The following SLIT3 variants were observed in gnomAD, a reference collection of about 807,000 sequenced individuals.
The protein encoded by SLIT3 is slit guidance ligand 3.
In SLIT3, 68 loss-of-function variants were observed where a neutral mutation model predicts 184.0. That is an observed-to-expected ratio of 0.37 (90% CI 0.30 to 0.45). SLIT3 has a LOEUF of 0.45. Ranked by LOEUF, SLIT3 falls within the 20% of genes least tolerant of loss-of-function variation. SLIT3 has a pLI of 1.00. For synonymous variants in SLIT3, 831 were observed against 828.6 expected, an observed-to-expected ratio of 1.00 and a Z score of -0.05; for missense variants, 1,707 against 2,026.0, an observed-to-expected ratio of 0.84 and a Z score of 3.02.
chr5:168,670,003 G>T lies in SLIT3; in HGVS notation c.4128-12C>A. ...TTCCATGGTGGCATCTAGGGGCAGA[G>T]AGGAGGATGAGAAGGGAACTGGATC... On this transcript the variant is annotated splice_polypyrimidine_tract_variant and intron_variant, in intron 34 of 35. Transcript: ENST00000519560. 6.2e-7 allele frequency: 1 copy of T among 1,612,392 alleles called. No homozygotes were observed. Among genetic ancestry groups the T allele is most frequent in the Non-Finnish European group, 8.5e-7 (1 of 1,178,778 alleles).
rs745916885 is a variant in SLIT3, at chr5:168,748,341, C to T, written c.2231G>A (p.Arg744His). Residue 744 changes from arginine to histidine, a missense_variant, in exon 20 of 36, where the codon CGC (arginine) becomes CAC (histidine). Physicochemically the swap from Arg to His is conservative, Grantham distance 29. Transcript: ENST00000519560. ...TVVRCSNKGL[R>H]ALPRGMPKDV... ...CTTGGGCATGCCTCTGGGGAGGGCG[C>T]GGAGCCCCTTGTTGCTGCATCGCAC... 26 of 1,493,660 alleles carry T rather than the reference C, an allele frequency of 1.7e-5. No homozygotes were observed. The South Asian group carries it at 2.5e-4, about 14-fold the overall frequency. 92.5% of individuals were successfully genotyped at this position (1,493,660 alleles called of 1,614,324 possible). A position where few individuals can be genotyped will look rare whatever the true frequency, so the allele number is the denominator to read the frequency against.
intron 4 of SLIT3, among the ~76,000 whole-genome samples, chr5:169,122,948 T>A (rs1325842683): frequency 6.6e-6 from 1 of 152,168 alleles, no homozygotes; most frequent in Non-Finnish European, 1.5e-5. Context: ...GTAAAAAGAA[T>A]CCTGATACAT....
intron 4 of SLIT3, among the ~76,000 whole-genome samples, chr5:169,062,036 T>C (rs1758188991): frequency 6.6e-6 from 1 of 151,818 alleles, no homozygotes; most frequent in Non-Finnish European, 1.5e-5. Flanking sequence ...CACAAAAAAT[T>C]AGACGGGCGT....
At chr5:168,946,344 A>G (rs1762483581) in intron 4 of SLIT3, among the ~76,000 whole-genome samples, 1 of 152,196 alleles carries the variant, frequency 6.6e-6, no homozygotes, top group Admixed American at 6.5e-5. Context: ...ACAGGACCAG[A>G]GAGCCTTAGT....
At chr5:169,089,058 A>AAAAAAAAAAAG (rs1759461176) in intron 4 of SLIT3, among the ~76,000 whole-genome samples, 1 of 137,254 alleles carries the variant, frequency 7.3e-6, no homozygotes, top group Non-Finnish European at 1.6e-5. Flanking sequence ...AAAAAAAAGA[A>AAAAAAAAAAAG]GTGCTGACTC....
At chr5:168,866,797 C>A (rs1248188568) in intron 5 of SLIT3, among the ~76,000 whole-genome samples, 3 of 152,226 alleles carry the variant, frequency 2.0e-5, no homozygotes, top group Admixed American at 6.5e-5. Context: ...TGGGTTGTTA[C>A]AGCAATTAAA....
chr5:168,775,099 G>A lies in SLIT3; in HGVS notation c.1152-721C>T, dbSNP rs529245257. 2.7e-4 allele frequency among the ~76,000 whole-genome samples: 41 copies of A among 151,024 alleles called. 1 individual carries two copies. The South Asian group carries it at 6.1e-3, about 22-fold the overall frequency. ...GTCGCCCAGGCTGGAGTTCAATGGC[G>A]TGATCTCGGCTCACTGCAACCTCCG... is the stretch of plus-strand genomic sequence containing the variant. On this transcript the variant is annotated intron_variant, in intron 12 of 35. Coordinates refer to ENST00000519560, the MANE Select transcript of SLIT3 (RefSeq NM_003062.4).
At position 168,984,890 on chromosome 5, in the gene SLIT3, G is replaced by A. The variant is rs75741300; in HGVS notation, c.414-101554C>T. ...CTGCACCTCCCATTCTGAATCAGGAGGTCTAAAGTAAGACCTCTATTTCTG... is the reference window on the plus strand; with the variant it reads ...CTGCACCTCCCATTCTGAATCAGGAAGTCTAAAGTAAGACCTCTATTTCTG... On this transcript the variant is annotated intron_variant, in intron 4 of 35. Transcript: ENST00000519560. 4.9e-4 allele frequency among the ~76,000 whole-genome samples: 75 copies of A among 152,222 alleles called. 1 individual carries two copies. In the East Asian group the frequency reaches 0.011, roughly 23 times the overall value.
chr5:169,299,565 C>T (rs1767616219), intron 1 of SLIT3, among the ~76,000 whole-genome samples: 1 of 152,156 alleles, frequency 6.6e-6, no homozygotes, highest in South Asian at 2.1e-4. Flanking sequence ...CCCACTCCAG[C>T]GTTTCTCCCC....
intron 3 of SLIT3, among the ~76,000 whole-genome samples, chr5:169,229,134 C>T (rs1375344790): frequency 6.6e-6 from 1 of 151,910 alleles, no homozygotes; most frequent in African/African-American, 2.4e-5. Context: ...TTTTGAGATT[C>T]AAAACTTGGC....
chr5:169,140,117 C>T (rs1761669232), intron 4 of SLIT3, among the ~76,000 whole-genome samples: 1 of 151,806 alleles, frequency 6.6e-6, no homozygotes, highest in Non-Finnish European at 1.5e-5. Flanking sequence ...AAATAAAGTC[C>T]TGACGGTGGG....
At chr5:169,275,758 C>T (rs990471896) in intron 1 of SLIT3, among the ~76,000 whole-genome samples, 2 of 152,148 alleles carry the variant, frequency 1.3e-5, no homozygotes, top group Admixed American at 6.5e-5. Flanking sequence ...TTACCTCCAC[C>T]TGGGTCCCTT....
At chr5:168,753,242 T>A (rs1561911867) in intron 17 of SLIT3, 144 bp from the exon 18 acceptor site, 1 of 812,406 alleles carries the variant, frequency 1.2e-6, no homozygotes, top group East Asian at 2.7e-5. Context: ...AGGTTTGTCC[T>A]GTGATAGCAG....
In SLIT3 at chr5:169,059,738, C is replaced by T. The variant is rs114361334; in HGVS notation, c.413+133741G>A. 5.1e-3 allele frequency among the ~76,000 whole-genome samples: 776 copies of T among 152,342 alleles called. 8 individuals carry two copies. The highest frequency in any genetic ancestry group is 8.3e-3 in the Non-Finnish European group (565 of 68,028). On this transcript the variant is annotated intron_variant, in intron 4 of 35. Transcript: ENST00000519560. ...GCCTGAGTCTACCAGTCCCACGTTG[C>T]CACGAGGCCCAGCAGGTTGAAGGCT...
intron 4 of SLIT3, among the ~76,000 whole-genome samples, chr5:169,151,408 C>T (rs1581463059): frequency 6.6e-6 from 1 of 152,258 alleles, no homozygotes; most frequent in South Asian, 2.1e-4. Context: ...TGGCCTATCA[C>T]ACTGAAAGCA....
At chr5:168,922,544 G>T (rs1176524619) in intron 4 of SLIT3, among the ~76,000 whole-genome samples, 1 of 151,748 alleles carries the variant, frequency 6.6e-6, no homozygotes, top group African/African-American at 2.4e-5. Flanking sequence ...ATGCATTTGA[G>T]AACAGGCTGA....
At position 168,686,992 on chromosome 5, in the gene SLIT3, G is replaced by T. The variant is rs780877098; in HGVS notation, c.3301C>A (p.Pro1101Thr). The T allele has an allele frequency of 1.6e-5, 26 of 1,614,044 alleles. 1 individual carries two copies. The South Asian group carries it at 2.6e-4, about 16-fold the overall frequency. The change falls in exon 30 of 36, where the codon CCC becomes ACC. Residue 1101 changes from proline (P) to threonine (T), a missense_variant. Coordinates refer to ENST00000519560, the MANE Select transcript of SLIT3 (RefSeq NM_003062.4). ...DTINGYTCTC[P>T]QGFSGPFCEH... ...CTCCTGCCTTACCTGAAGCCCTGGG[G>T]GCAGGTGCATGTGTAGCCATTGATT...
intron 4 of SLIT3, among the ~76,000 whole-genome samples, chr5:169,144,042 G>A (rs1414150380): frequency 6.6e-6 from 1 of 152,196 alleles, no homozygotes; most frequent in African/African-American, 2.4e-5. Flanking sequence ...AGAAAAGCAA[G>A]GTGCATAGTA....
chr5:169,170,320 A>T (rs1487112928), intron 4 of SLIT3, among the ~76,000 whole-genome samples: 1 of 152,094 alleles, frequency 6.6e-6, no homozygotes, highest in African/African-American at 2.4e-5. Context: ...TATCAAACAG[A>T]AGTCCGGAAG....
Sources: gnomAD v4.1 joint callset for allele counts (sites outside exome capture counted in the v4.1 genomes callset) on GRCh38, gnomAD v4.1.1 for gene constraint, MANE v1.5 for transcripts, NCBI Gene and HGNC (gene_info 2026-07-23, HGNC 2026-07-21) for gene names.